Variants in FBXL13 observed in about 807,000 individuals in gnomAD.
The protein encoded by FBXL13 is F-box and leucine-rich repeat protein 13.
Under a neutral mutation model 83.6 loss-of-function variants are expected in FBXL13, and 67 were observed. The ratio of observed to expected loss-of-function variants is 0.80; its 90% CI spans 0.66 to 0.98. The LOEUF is 0.98. Ranked by LOEUF, FBXL13 falls within the 50% of genes least tolerant of loss-of-function variation. The pLI, the probability that FBXL13 is intolerant of heterozygous loss-of-function variation, is 0.00. For missense variants in FBXL13, 822 were observed against 866.5 expected (o/e 0.95, Z 0.64); for synonymous variants, 272 against 299.5 (o/e 0.91, Z 0.95).
intron 14 of FBXL13, among the ~76,000 whole-genome samples, chr7:102,879,396 T>G (rs1335976663): frequency 5.9e-5 from 9 of 151,578 alleles, no homozygotes; most frequent in Non-Finnish European, 1.3e-4. Flanking sequence ...ACCTTCCACC[T>G]ATAAGAGGGG....
At chr7:102,891,972 A>G (rs1240173301) in intron 11 of FBXL13, among the ~76,000 whole-genome samples, 1 of 152,232 alleles carries the variant, frequency 6.6e-6, no homozygotes, top group Non-Finnish European at 1.5e-5. Context: ...TGGTTTGTCT[A>G]GATTTATTGA....
chr7:102,984,364 A>G (rs559390117), intron 6 of FBXL13, among the ~76,000 whole-genome samples: 1 of 152,336 alleles, frequency 6.6e-6, no homozygotes, highest in South Asian at 2.1e-4. Context: ...CTATTTATCT[A>G]CCTATCTATC....
chr7:102,877,726 A>T (rs1157874938), intron 15 of FBXL13, 133 bp from the exon 17 acceptor site: 1 of 828,484 alleles, frequency 1.2e-6, no homozygotes, highest in East Asian at 2.9e-5. Context: ...CATAAAAGTA[A>T]GACTAAAAGT....
At chr7:103,049,671 C>T (rs1411874504) in intron 2 of FBXL13, among the ~76,000 whole-genome samples, 2 of 152,166 alleles carry the variant, frequency 1.3e-5, no homozygotes, top group African/African-American at 4.8e-5. Context: ...CCCAAGGAGT[C>T]CCAGGCTGTG....
chr7:102,812,472 A>G (rs528555527), downstream of FBXL13, among the ~76,000 whole-genome samples: 1 of 152,320 alleles, frequency 6.6e-6, no homozygotes, highest in East Asian at 1.9e-4. Context: ...GCCCCTGACT[A>G]AGTCAAATGT....
At chr7:103,007,462 T>TA (rs528247275) in intron 6 of FBXL13, among the ~76,000 whole-genome samples, 241 of 152,166 alleles carry the variant, frequency 1.6e-3, no homozygotes, top group African/African-American at 5.5e-3. Flanking sequence ...TGAATAAACT[T>TA]AAAAAAACCT....
intron 10 of FBXL13, among the ~76,000 whole-genome samples, chr7:102,919,765 C>T (rs1380980646): frequency 8.5e-5 from 13 of 152,148 alleles, no homozygotes; most frequent in Admixed American, 6.5e-5. Context: ...AGATAATAGT[C>T]ATTTTCAGAG....
chr7:102,951,214 C>T lies in FBXL13; in HGVS notation c.724+12319G>A, dbSNP rs1823338202. Among the ~76,000 whole-genome samples the T allele has an allele frequency of 2.0e-5, 3 of 151,666 alleles. No homozygotes were observed. The South Asian group carries it at 6.2e-4, about 32-fold the overall frequency. ...GGGCACAGTGGCTCACACCCGTAAT[C>T]CTAGCAGTTTGAGAGGCCAAGGCGG... On this transcript the variant is annotated intron_variant, in intron 8 of 19. Coordinates refer to ENST00000313221, the Ensembl canonical transcript of FBXL13.
intron 6 of FBXL13, among the ~76,000 whole-genome samples, chr7:103,005,709 CT>C (rs1563208849): frequency 6.6e-6 from 1 of 152,160 alleles, no homozygotes. Flanking sequence ...GAGCCTCACC[CT>C]TTTGACCTCA....
intron 6 of FBXL13, chr7:102,976,012 G>A (rs767631551): frequency 2.6e-6 from 2 of 766,438 alleles, no homozygotes; most frequent in East Asian, 4.8e-5. Flanking sequence ...CCAAACCCAG[G>A]TAAACCCACG....
chr7:103,029,205 T>A (rs1794252971), intron 3 of FBXL13, 146 bp downstream of exon 4: 1 of 458,382 alleles, frequency 2.2e-6, no homozygotes. Flanking sequence ...TGATTAAATA[T>A]AAAAGAAATA....
chr7:102,819,198 C>T (rs945275869), intron 19 of FBXL13, among the ~76,000 whole-genome samples: 2 of 152,174 alleles, frequency 1.3e-5, no homozygotes, highest in Admixed American at 6.5e-5. Flanking sequence ...TGTTGCCTTT[C>T]CCCACAGAGG....
chr7:102,899,271 G>C (rs1028173180), intron 11 of FBXL13, among the ~76,000 whole-genome samples: 1 of 152,226 alleles, frequency 6.6e-6, no homozygotes, highest in Non-Finnish European at 1.5e-5. Context: ...ACTCAACAGA[G>C]TTGTATCAGT....
In FBXL13 at chr7:102,949,211, G is replaced by A. The variant is rs190966840; in HGVS notation, c.724+14322C>T. 9.2e-5 allele frequency among the ~76,000 whole-genome samples: 14 copies of A among 152,314 alleles called. No individual in the cohort carries two copies. The East Asian group carries it at 1.5e-3, about 17-fold the overall frequency. ...AATAGAGGAACTGATCTTAGCTGGGGTAGGGGTTGGTAGTGGGGCAGGAGA... is the reference window on the plus strand; with the variant it reads ...AATAGAGGAACTGATCTTAGCTGGGATAGGGGTTGGTAGTGGGGCAGGAGA... On this transcript the variant is annotated intron_variant, in intron 8 of 19. Transcript: ENST00000313221.
At chr7:103,009,922 C>T (rs943846104) in intron 6 of FBXL13, among the ~76,000 whole-genome samples, 4 of 152,160 alleles carry the variant, frequency 2.6e-5, no homozygotes, top group African/African-American at 7.2e-5. Context: ...TAGACACCTG[C>T]CCCCACCACT....
chr7:102,900,980 G>A (rs1212381750), intron 11 of FBXL13, among the ~76,000 whole-genome samples: 5 of 152,220 alleles, frequency 3.3e-5, no homozygotes, highest in African/African-American at 9.7e-5. Context: ...AATACTTACT[G>A]AGGCCAGGCA....
chr7:103,043,551 G>A (rs879488378), intron 2 of FBXL13, among the ~76,000 whole-genome samples: 48 of 152,128 alleles, frequency 3.2e-4, no homozygotes, highest in Non-Finnish European at 6.0e-4. Flanking sequence ...CACCTCCGTC[G>A]CCGAGGCCGG....
intron 11 of FBXL13, chr7:102,912,843 G>A (rs1019204559): frequency 4.0e-5 from 17 of 423,710 alleles, no homozygotes; most frequent in Non-Finnish European, 7.1e-5. Context: ...CACAAAAGTG[G>A]TCCGTTTCCT....
chr7:102,872,891 A>G (rs1808714725), intron 16 of FBXL13, among the ~76,000 whole-genome samples: 1 of 152,234 alleles, frequency 6.6e-6, no homozygotes, highest in Admixed American at 6.5e-5. Context: ...CCTAATATGT[A>G]CTTGGTAGGT....
Sources: gnomAD v4.1 joint callset for allele counts (sites outside exome capture counted in the v4.1 genomes callset) on GRCh38, gnomAD v4.1.1 for gene constraint, MANE v1.5 for transcripts, NCBI Gene and HGNC (gene_info 2026-07-23, HGNC 2026-07-21) for gene names.